Variants in BRD8 observed in about 807,000 individuals in gnomAD.
BRD8 encodes bromodomain containing 8.
Under a neutral mutation model 143.1 loss-of-function variants are expected in BRD8, and 67 were observed. The ratio of observed to expected loss-of-function variants is 0.47; its 90% confidence interval spans 0.38 to 0.57. BRD8 has a LOEUF of 0.57. BRD8 is among the 20% of genes least tolerant of loss of function. The pLI, the probability that BRD8 is intolerant of heterozygous loss-of-function variation, is 0.00. For synonymous variants in BRD8, 505 were observed against 517.1 expected, an observed-to-expected ratio of 0.98 and a Z score of 0.32; for missense variants, 1,103 against 1,503.0, an observed-to-expected ratio of 0.73 and a Z score of 4.40.
chr5:138,152,499 G>A lies in BRD8; in HGVS notation c.2839C>T (p.Leu947Phe). ...AARKASHQNL[L>F]HFLSEVAYLM... ...ACTGTTACCTCAGAGAGAAAGTGGAGGAGGTTCTGGTGGCTGGCTTTCCTT... is the reference window on the plus strand; with the variant it reads ...ACTGTTACCTCAGAGAGAAAGTGGAAGAGGTTCTGGTGGCTGGCTTTCCTT... Residue 947 changes from leucine (L) to phenylalanine (F), a missense_variant, in exon 21 of 27, where the codon CTC becomes TTC. By Grantham distance (22) the Leu-to-Phe change is conservative (BLOSUM62 0). This residue lies in a region of BRD8 where 369 missense variants were observed against 445.5 expected (regional missense o/e 0.83). Coordinates refer to ENST00000254900, the MANE Select transcript of BRD8 (RefSeq NM_139199.2). 1.2e-6 allele frequency: 2 copies of A among 1,614,136 alleles called. No individual in the cohort carries two copies. The highest frequency in any genetic ancestry group is 1.7e-6 in the Non-Finnish European group (2 of 1,180,012).
At chr5:138,151,935 A>ACCT (rs1435872386) in intron 21 of BRD8, among the ~76,000 whole-genome samples, 7 of 151,880 alleles carry the variant, frequency 4.6e-5, no homozygotes, top group African/African-American at 1.7e-4. Flanking sequence ...GCTCACTGCA[A>ACCT]CCTCCGCCTC....
chr5:138,164,061 G>C lies in BRD8; in HGVS notation c.1872+26C>G, dbSNP rs745328704. 3.1e-6 allele frequency: 5 copies of C among 1,607,428 alleles called. No homozygotes were observed. The Admixed American group carries it at 8.3e-5, about 27-fold the overall frequency. The stretch of plus-strand genomic sequence containing the variant: ...ATAGGGAAATCTAATCACATGGCAA[G>C]AGGAATAAAGAAAAGTCTGAAATAC... On this transcript the variant is annotated intron_variant, in intron 14 of 26. Coordinates refer to ENST00000254900, the MANE Select transcript of BRD8 (RefSeq NM_139199.2).
chr5:138,170,333 G>A lies in BRD8; in HGVS notation c.505+12C>T, dbSNP rs1423417636. 1.9e-6 allele frequency: 3 copies of A among 1,577,938 alleles called. No individual in the cohort carries two copies. Among genetic ancestry groups the A allele is most frequent in the Non-Finnish European group, 8.7e-7 (1 of 1,147,172 alleles). On this transcript the variant is annotated intron_variant, in intron 7 of 26. Transcript: ENST00000254900. ...AATCAATTGCTAAAGAGGCATACTA[G>A]GTTCAGCTTACCCTGGTATGCAGCA...
chr5:138,178,408 G>A (rs766382978), intron 1 of BRD8, among the ~76,000 whole-genome samples, 188 bp downstream of exon 1: 1 of 152,106 alleles, frequency 6.6e-6, no homozygotes, highest in African/African-American at 2.4e-5. Flanking sequence ...CTCTCTCCCT[G>A]AGAAACAAGA....
intron 8 of BRD8, chr5:138,168,361 C>A: frequency 1.2e-6 from 1 of 819,070 alleles, no homozygotes; most frequent in African/African-American, 1.7e-5. Flanking sequence ...ATTAGGAGAT[C>A]TTTTCCTCTT....
intron 2 of BRD8, among the ~76,000 whole-genome samples, chr5:138,175,912 CAAAAAAAAAAA>C (rs59338837): frequency 2.8e-3 from 53 of 18,602 alleles, no homozygotes; most frequent in Non-Finnish European, 4.7e-3. Context: ...ACCCTGTCTG[CAAAAAAAAAAA>C]AAAAAAAAAA....
chr5:138,141,437 C>T (rs1213583601), intron 25 of BRD8, among the ~76,000 whole-genome samples: 1 of 152,112 alleles, frequency 6.6e-6, no homozygotes, highest in Non-Finnish European at 1.5e-5. Context: ...GCCTTATTAT[C>T]TCCATTTCAC....
At chr5:138,164,602 A>G (rs1397966940) in intron 12 of BRD8, 112 bp downstream of exon 12, 4 of 1,306,994 alleles carry the variant, frequency 3.1e-6, no homozygotes, top group African/African-American at 3.0e-5. Flanking sequence ...CTTTGGACAC[A>G]TCAAACATGT....
chr5:138,165,762 G>T, intron 11 of BRD8, 66 bp downstream of exon 11: 294 of 1,224,770 alleles, frequency 2.4e-4, no homozygotes, highest in Non-Finnish European at 3.1e-4. Context: ...CAGCACCAAA[G>T]TGAGGCTGAA....
intron 1 of BRD8, 149 bp from the exon 2 acceptor site, chr5:138,177,816 A>AT: frequency 4.2e-6 from 2 of 477,646 alleles, no homozygotes; most frequent in Non-Finnish European, 7.5e-6. Flanking sequence ...CCAAATCTTG[A>AT]TTTTCACCTC....
intron 2 of BRD8, among the ~76,000 whole-genome samples, chr5:138,176,635 A>T (rs1316390662): frequency 2.0e-5 from 3 of 152,116 alleles, no homozygotes; most frequent in Admixed American, 6.5e-5. Flanking sequence ...AGGAGGGGAC[A>T]ACATGGACTG....
At position 138,152,607 on chromosome 5, in the gene BRD8, C is replaced by A; in HGVS notation, c.2731G>T (p.Glu911Ter). The change falls in exon 21 of 27, where the codon GAA becomes TAA. Residue 911 changes from glutamate to a stop codon, truncating the protein, a stop_gained. Transcript: ENST00000254900. LOFTEE classifies it high-confidence loss of function. ...CTCTCCGGGCTGCTTTCCTCTAGTT[C>A]CTCAGCCTCTGGATCCTCAGTTTCC... The part of the protein sequence containing the change: ...WRETEDPEAE[E>*]LEESSPEREP... The A allele has an allele frequency of 6.2e-7, 1 of 1,614,172 alleles. No individual in the cohort carries two copies.
intron 20 of BRD8, among the ~76,000 whole-genome samples, chr5:138,155,902 C>T (rs1287498685): frequency 1.3e-5 from 2 of 148,630 alleles, no homozygotes; most frequent in East Asian, 4.1e-4. Flanking sequence ...GAGAAAGGGT[C>T]TTGCTCTTTC....
intron 9 of BRD8, chr5:138,167,659 C>T: frequency 2.7e-6 from 1 of 368,916 alleles, no homozygotes; most frequent in Non-Finnish European, 5.1e-6. Context: ...TCTTAGGTAT[C>T]TCTAGCACCT....
chr5:138,150,903 CG>C lies in BRD8; in HGVS notation c.2961del (p.Ser987ArgfsTer21). On this transcript the variant is annotated frameshift_variant, in exon 22 of 27. Transcript: ENST00000254900. LOFTEE classifies it high-confidence loss of function. ...TRQEGREIKASEGERELCRET... is the reference protein window; with the variant it reads ...TRQEGREIKAXEGERELCRET... Reference sequence around the variant, plus strand: ...TCTCTGCAGAGCTCCCTTTCTCCTTCGCTAGCTTTAATTTCCCTTCCTTCTT... The same window carrying C: ...TCTCTGCAGAGCTCCCTTTCTCCTTCCTAGCTTTAATTTCCCTTCCTTCTT... 1 of 1,614,184 alleles carries C rather than the reference CG, an allele frequency of 6.2e-7. No homozygotes were observed. The highest frequency in any genetic ancestry group is 8.5e-7 in the Non-Finnish European group (1 of 1,180,032).
intron 22 of BRD8, among the ~76,000 whole-genome samples, 171 bp from the exon 23 acceptor site, chr5:138,149,968 C>A (rs1451406049): frequency 6.6e-6 from 1 of 152,120 alleles, no homozygotes; most frequent in Non-Finnish European, 1.5e-5. Flanking sequence ...TTAATGAGTT[C>A]TTGGTAACAA....
rs746087699 is a variant in BRD8, at chr5:138,171,056, T to G, written c.341A>C (p.Glu114Ala). The G allele has an allele frequency of 6.2e-7, 1 of 1,613,926 alleles. No individual in the cohort carries two copies. Among genetic ancestry groups the G allele is most frequent in the South Asian group, 1.1e-5 (1 of 90,990 alleles). The change falls in exon 5 of 27, where the codon GAA becomes GCA. Residue 114 changes from glutamate (E) to alanine (A), a missense_variant. By Grantham distance (107) the Glu-to-Ala change is moderately radical. Around this residue, in one of 7 missense-constraint regions of BRD8, gnomAD observed 334 missense variants for 372.5 expected, o/e 0.90. Transcript: ENST00000254900. ...TAAGTACCTATATCTCTCCTGGGTT[T>G]CCTTTATCACTTTCTTTAGTTCTTC... ...RVEELKKVIK[E>A]TQERYRRLKR...
intron 20 of BRD8, among the ~76,000 whole-genome samples, chr5:138,154,366 T>C (rs1264206337): frequency 6.6e-6 from 1 of 152,162 alleles, no homozygotes; most frequent in Non-Finnish European, 1.5e-5. Context: ...GCCTACACCT[T>C]CCATTCGGTT....
Position 138,170,334 on chromosome 5 carries a change from G to A in BRD8, c.505+11C>T. The A allele has an allele frequency of 6.3e-7, 1 of 1,583,656 alleles. No homozygotes were observed. The highest frequency in any genetic ancestry group is 1.1e-5 in the South Asian group (1 of 90,468). On this transcript the variant is annotated intron_variant, in intron 7 of 26. Transcript: ENST00000254900. ...ATCAATTGCTAAAGAGGCATACTAGGTTCAGCTTACCCTGGTATGCAGCAT... is the reference window on the plus strand; with the variant it reads ...ATCAATTGCTAAAGAGGCATACTAGATTCAGCTTACCCTGGTATGCAGCAT...
Sources: allele counts gnomAD v4.1 joint callset (sites outside exome capture counted in the v4.1 genomes callset), GRCh38; gene constraint gnomAD v4.1.1; regional missense constraint gnomAD v4.1.1; transcripts MANE v1.5; gene names NCBI Gene and HGNC (gene_info 2026-07-23, HGNC 2026-07-21).